The following GNG7 variants were observed in gnomAD, a reference collection of about 807,000 sequenced individuals.
The protein encoded by GNG7 is guanine nucleotide-binding protein G(I)/G(S)/G(O) subunit gamma-7.
A neutral mutation model predicts 4.0 loss-of-function variants in GNG7; 1 was observed. That is an observed-to-expected ratio of 0.25 (90% confidence interval 0.09 to 1.18). GNG7 has a LOEUF of 1.18. Among genes scored for constraint, GNG7 ranks in the 50% most tolerant of loss-of-function variants. The pLI, the probability that GNG7 is intolerant of heterozygous loss-of-function variation, is 0.50. For synonymous variants in GNG7, 34 were observed against 36.9 expected (o/e 0.92, Z 0.29); for missense variants, 86 against 91.9 (o/e 0.94, Z 0.26).
At chr19:2,553,743 T>A (rs1004453133) in intron 3 of GNG7, among the ~76,000 whole-genome samples, 1 of 148,946 alleles carries the variant, frequency 6.7e-6, no homozygotes, top group Non-Finnish European at 1.5e-5. Flanking sequence ...TTACATGCAA[T>A]ATATTACATA....
intron 2 of GNG7, among the ~76,000 whole-genome samples, chr19:2,596,369 A>AG (rs1568256854): frequency 6.4e-5 from 4 of 62,360 alleles, no homozygotes; most frequent in African/African-American, 2.1e-4. Flanking sequence ...TAAAATTAAA[A>AG]TAAAAAATAG....
chr19:2,658,532 G>T (rs936954994), intron 1 of GNG7, among the ~76,000 whole-genome samples: 1 of 152,076 alleles, frequency 6.6e-6, no homozygotes, highest in Admixed American at 6.6e-5. Context: ...ACCGAGAGAT[G>T]AATGGATAAA....
intron 2 of GNG7, among the ~76,000 whole-genome samples, chr19:2,627,219 G>T (rs1363350468): frequency 6.6e-6 from 1 of 151,490 alleles, no homozygotes; most frequent in Non-Finnish European, 1.5e-5. Flanking sequence ...GATGTCTGGG[G>T]ATATTTGTGG....
intron 1 of GNG7, among the ~76,000 whole-genome samples, chr19:2,665,271 G>GC (rs1375717241): frequency 6.6e-6 from 1 of 151,934 alleles, no homozygotes; most frequent in Non-Finnish European, 1.5e-5. Flanking sequence ...AGCACGCTGA[G>GC]CGGCATCCGT....
chr19:2,575,896 C>T (rs1270418065), intron 2 of GNG7, among the ~76,000 whole-genome samples: 6 of 150,882 alleles, frequency 4.0e-5, no homozygotes, highest in Admixed American at 1.3e-4. Flanking sequence ...CACGCAGACA[C>T]GCAGGCACAC....
intron 1 of GNG7, among the ~76,000 whole-genome samples, chr19:2,662,566 GT>G: frequency 6.6e-6 from 1 of 152,266 alleles, no homozygotes. Flanking sequence ...ACATTTACTG[GT>G]TTAATATAAA....
chr19:2,654,183 A>G (rs768336879), intron 1 of GNG7, among the ~76,000 whole-genome samples: 2 of 152,064 alleles, frequency 1.3e-5, no homozygotes, highest in African/African-American at 2.4e-5. Flanking sequence ...AGAGGCGGAG[A>G]GGAAAGACGA....
At chr19:2,587,362 G>C (rs1261109456) in intron 2 of GNG7, among the ~76,000 whole-genome samples, 2 of 152,116 alleles carry the variant, frequency 1.3e-5, no homozygotes, top group Non-Finnish European at 2.9e-5. Context: ...GCTCACCCAC[G>C]TTCTCAGGTC....
intron 1 of GNG7, among the ~76,000 whole-genome samples, chr19:2,647,164 C>A (rs1982687810): frequency 1.3e-5 from 2 of 152,222 alleles, no homozygotes; most frequent in Admixed American, 1.3e-4. Context: ...CCTGCAAACA[C>A]CGTGGTTTAT....
chr19:2,699,397 C>T (rs569655239), intron 1 of GNG7, among the ~76,000 whole-genome samples: 14 of 152,288 alleles, frequency 9.2e-5, no homozygotes, highest in African/African-American at 3.4e-4. Context: ...GATCCACCCA[C>T]TTCGGCCTCC....
At chr19:2,661,604 C>T (rs1169493868) in intron 1 of GNG7, among the ~76,000 whole-genome samples, 2 of 147,498 alleles carry the variant, frequency 1.4e-5, no homozygotes, top group African/African-American at 5.0e-5. Context: ...ATCCAAGAGG[C>T]AGAGGTTGCA....
intron 2 of GNG7, among the ~76,000 whole-genome samples, chr19:2,596,274 G>A (rs1475779105): frequency 1.3e-5 from 2 of 152,096 alleles, no homozygotes; most frequent in Non-Finnish European, 2.9e-5. Context: ...CAGGAGAATC[G>A]CTTGAACCCA....
At chr19:2,587,862 A>AGAAGGAAGGAAG (rs71178293) in intron 2 of GNG7, among the ~76,000 whole-genome samples, 16 of 144,980 alleles carry the variant, frequency 1.1e-4, no homozygotes, top group South Asian at 2.3e-4. Context: ...AGAGAAAGAG[A>AGAAGGAAGGAAG]GAAGGAAGGA....
intron 1 of GNG7, among the ~76,000 whole-genome samples, chr19:2,699,870 G>A (rs1913359551): frequency 6.6e-6 from 1 of 152,154 alleles, no homozygotes; most frequent in Non-Finnish European, 1.5e-5. Flanking sequence ...AAAATTTCAA[G>A]CGTATAATCA....
chr19:2,575,982 GACAC>G (rs1209718480), intron 2 of GNG7, among the ~76,000 whole-genome samples: 1 of 143,710 alleles, frequency 7.0e-6, no homozygotes. Context: ...CATGCAGGCA[GACAC>G]ACACATGCTC....
intron 3 of GNG7, among the ~76,000 whole-genome samples, chr19:2,552,848 TCCAC>T (rs1359707132): frequency 1.2e-5 from 1 of 84,526 alleles, no homozygotes; most frequent in Non-Finnish European, 2.5e-5. Context: ...TCCTCCCGGC[TCCAC>T]CCCCCCCACC....
At chr19:2,563,973 G>A (rs1285881409) in intron 2 of GNG7, among the ~76,000 whole-genome samples, 1 of 152,144 alleles carries the variant, frequency 6.6e-6, no homozygotes, top group Non-Finnish European at 1.5e-5. Flanking sequence ...TGGTATTTGG[G>A]GGTGTTGGGT....
In GNG7 at chr19:2,582,763, C is replaced by T. The variant is rs150106514; in HGVS notation, c.-77-27575G>A. ...GGCTCACTGCAACCTCCACCTACCACGTTCAAGCGATTCTCCTGCCTCAGC... is the reference window on the plus strand; with the variant it reads ...GGCTCACTGCAACCTCCACCTACCATGTTCAAGCGATTCTCCTGCCTCAGC... On this transcript the variant is annotated intron_variant, in intron 2 of 4. Transcript: ENST00000382159. Among the ~76,000 whole-genome samples, 467 of 149,812 alleles carry T rather than the reference C, an allele frequency of 3.1e-3. 3 individuals are homozygous for T. Among genetic ancestry groups the T allele is most frequent in the Non-Finnish European group, 5.1e-3 (348 of 67,650 alleles).
intron 2 of GNG7, among the ~76,000 whole-genome samples, chr19:2,570,299 G>A (rs1336675750): frequency 6.6e-6 from 1 of 152,106 alleles, no homozygotes; most frequent in African/African-American, 2.4e-5. Context: ...AGAACTGTAT[G>A]GTCTGTAGAA....
Sources: gnomAD v4.1 joint callset for allele counts (sites outside exome capture counted in the v4.1 genomes callset) on GRCh38, gnomAD v4.1.1 for gene constraint, MANE v1.5 for transcripts, NCBI Gene and HGNC (gene_info 2026-07-23, HGNC 2026-07-21) for gene names.